Variants in SLC7A9 observed in about 807,000 individuals in gnomAD.
The protein encoded by SLC7A9 is solute carrier family 7 member 9, also known as B(0,+)-type amino acid transporter 1.
SLC7A9 carries 38 observed loss-of-function variants against 54.1 expected under a neutral mutation model. That is an observed-to-expected ratio of 0.70 (90% CI 0.54 to 0.92). SLC7A9 has a LOEUF of 0.92. SLC7A9 is among the 40% of genes least tolerant of loss of function. The probability of loss-of-function intolerance (pLI) is 0.00; values close to 1 mark genes in which losing one functional copy is unlikely to be tolerated. For missense variants in SLC7A9, 537 were observed against 636.1 expected, an observed-to-expected ratio of 0.84 and a Z score of 1.68; for synonymous variants, 264 against 258.9, an observed-to-expected ratio of 1.02 and a Z score of -0.19.
intron 9 of SLC7A9, among the ~76,000 whole-genome samples, chr19:32,855,755 G>A (rs2145832718): frequency 6.6e-6 from 1 of 151,690 alleles, no homozygotes; most frequent in Non-Finnish European, 1.5e-5. Context: ...GGCATTATCA[G>A]TACTGCACGT....
rs1161216387 is a variant in SLC7A9, at chr19:32,862,661, ATTTTT to A, written c.479-80_479-76del. The A allele has an allele frequency of 7.8e-6, 10 of 1,283,324 alleles. No homozygotes were observed. The African/African-American group carries it at 1.3e-4, about 17-fold the overall frequency. 79.5% of individuals were successfully genotyped at this position (1,283,324 alleles called of 1,614,324 possible). The stretch of plus-strand genomic sequence containing the variant: ...GGAGAGAGTCTCCTTTCTTTTATAT[ATTTTT>A]TATTTTTTTTTTTTTTTGAGATGGA... On this transcript the variant is annotated intron_variant, in intron 4 of 12. Transcript: ENST00000023064.
intron 9 of SLC7A9, among the ~76,000 whole-genome samples, chr19:32,847,212 A>G (rs11666743): frequency 0.11 from 17,243 of 152,240 alleles, 1,091 homozygotes; most frequent in Middle Eastern, 0.16. Context: ...TTGAGAGAAG[A>G]AGGCTTCAGA....
chr19:32,859,804 CCACAGCCCCCGCCA>C (rs1284105196), intron 8 of SLC7A9, 23 bp downstream of exon 8: 2 of 1,565,680 alleles, frequency 1.3e-6, no homozygotes. Flanking sequence ...TTCCCACAAG[CCACAGCCCCCGCCA>C]GCAGCGATGC....
intron 1 of SLC7A9, among the ~76,000 whole-genome samples, chr19:32,869,361 A>T (rs1969071514): frequency 6.6e-6 from 1 of 152,192 alleles, no homozygotes. Context: ...GATCCACAAT[A>T]CAGGTACTTT....
rs1967860839 is a variant in SLC7A9 at position 32,833,282 on chromosome 19, C to T, written c.1266G>A (p.Val422=). The change falls in exon 12 of 13, where the codon GTG becomes GTA. Residue 422 remains valine (V), a synonymous_variant. Coordinates refer to ENST00000023064, the MANE Select transcript of SLC7A9 (RefSeq NM_014270.5). ...VIPVLMTLIS[V]FLVLAPIISK... is the part of the protein sequence containing the mutation. ...TGATGATTGGAGCCAGAACCAAAAA[C>T]ACAGAGATGAGTGTCATCAAGACGG... 3 of 1,614,140 alleles carry T rather than the reference C, an allele frequency of 1.9e-6. No individual in the cohort carries two copies. The highest frequency in any genetic ancestry group is 1.7e-6 in the Non-Finnish European group (2 of 1,179,990).
At chr19:32,851,636 A>G (rs868776321) in intron 9 of SLC7A9, among the ~76,000 whole-genome samples, 33 of 152,192 alleles carry the variant, frequency 2.2e-4, no homozygotes, top group South Asian at 2.1e-3. Context: ...ATCTAGAACT[A>G]GAAATACCAT....
Position 32,842,255 on chromosome 19 carries a change from G to C in SLC7A9, c.1137C>G (p.Ser379Arg), listed in dbSNP as rs142270619. The C allele has an allele frequency of 6.2e-7, 1 of 1,613,976 alleles. No individual in the cohort carries two copies. Among genetic ancestry groups the C allele is most frequent in the Non-Finnish European group, 8.5e-7 (1 of 1,179,852 alleles). The change falls in exon 11 of 13, where the codon AGC (serine) becomes AGG (arginine). Residue 379 changes from serine to arginine, a missense_variant. Coordinates refer to ENST00000023064, the MANE Select transcript of SLC7A9 (RefSeq NM_014270.5). Reference sequence around the variant, plus strand: ...GGCCATAAAACAGCCATGCGGCAAAGCTGAAATAATTGACTAACGAGTTTA... The same window carrying C: ...GGCCATAAAACAGCCATGCGGCAAACCTGAAATAATTGACTAACGAGTTTA... ...GDINSLVNYFSFAAWLFYGLT... is the reference protein window; with the variant it reads ...GDINSLVNYFRFAAWLFYGLT...
chr19:32,860,259 T>C (rs1434112531), intron 7 of SLC7A9: 6 of 1,399,356 alleles, frequency 4.3e-6, no homozygotes, highest in Non-Finnish European at 4.6e-6. Flanking sequence ...AGTGAGCTCA[T>C]AAGAAACCAT....
intron 6 of SLC7A9, among the ~76,000 whole-genome samples, chr19:32,861,062 C>T (rs992361150): frequency 2.0e-5 from 3 of 152,162 alleles, no homozygotes; most frequent in Non-Finnish European, 4.4e-5. Flanking sequence ...GGCATAGTGG[C>T]GCACGTCTGT....
chr19:32,864,943 G>A (rs1185769549), intron 2 of SLC7A9, among the ~76,000 whole-genome samples, 167 bp from the exon 3 acceptor site: 2 of 152,210 alleles, frequency 1.3e-5, no homozygotes, highest in African/African-American at 2.4e-5. Flanking sequence ...ACCGCTCCCG[G>A]AGCTTTGCTT....
At position 32,862,572 on chromosome 19, in the gene SLC7A9, C is replaced by T. The variant is rs755106261; in HGVS notation, c.493G>A (p.Val165Met). The change falls in exon 5 of 13, where the codon GTG (valine) becomes ATG (methionine). Residue 165 changes from valine (V) to methionine (M), a missense_variant. Coordinates refer to ENST00000023064, the MANE Select transcript of SLC7A9 (RefSeq NM_014270.5). ...AAAAILFIST[V>M]NSLSVRLGSY... ...CCCAGCCGCACGCTCAGTGAGTTCA[C>T]TGTCGAGATGAACACTGGAAGGGTG... 1.9e-6 allele frequency: 3 copies of T among 1,613,932 alleles called. No individual in the cohort carries two copies. Among genetic ancestry groups the T allele is most frequent in the Non-Finnish European group, 2.5e-6 (3 of 1,180,046 alleles).
intron 9 of SLC7A9, among the ~76,000 whole-genome samples, chr19:32,849,208 G>A (rs1968389387): frequency 6.6e-6 from 1 of 152,064 alleles, no homozygotes; most frequent in Non-Finnish European, 1.5e-5. Context: ...AGGAAATAGA[G>A]ACACAAAAAA....
At chr19:32,865,620 G>A (rs1346288786) in intron 2 of SLC7A9, among the ~76,000 whole-genome samples, 2 of 152,218 alleles carry the variant, frequency 1.3e-5, no homozygotes, top group South Asian at 2.1e-4. Context: ...AAAGGGGCAC[G>A]AGGGAGCTTT....
In SLC7A9 at chr19:32,833,242, C is replaced by G; in HGVS notation, c.1306G>C (p.Glu436Gln). The G allele has an allele frequency of 1.2e-6, 2 of 1,614,152 alleles. No individual in the cohort carries two copies. Among genetic ancestry groups the G allele is most frequent in the Non-Finnish European group, 1.7e-6 (2 of 1,179,998 alleles). ...ATAAACAGCACACAGTAGAGGTACT[C>G]CCAGGTGGGCTTGCTGATGATTGGA... is the stretch of plus-strand genomic sequence containing the variant. ...LAPIISKPTW[E>Q]YLYCVLFILS... The change falls in exon 12 of 13, where the codon GAG becomes CAG. Residue 436 changes from glutamate to glutamine, a missense_variant. Coordinates refer to ENST00000023064, the MANE Select transcript of SLC7A9 (RefSeq NM_014270.5).
intron 11 of SLC7A9, 104 bp downstream of exon 11, chr19:32,842,063 CA>C: frequency 9.0e-7 from 1 of 1,117,102 alleles, no homozygotes; most frequent in South Asian, 1.3e-5. Flanking sequence ...TTAAAAGAGT[CA>C]AGTCAGATTG....
At chr19:32,843,255 A>G (rs8101827) in intron 10 of SLC7A9, among the ~76,000 whole-genome samples, 89,687 of 151,876 alleles carry the variant, frequency 0.59, 27,339 homozygotes, top group East Asian at 0.83. Flanking sequence ...CCAGGAGTTC[A>G]AGACCAGCCT....
chr19:32,860,698 C>A, intron 6 of SLC7A9, 48 bp from the exon 7 acceptor site: 1 of 1,611,458 alleles, frequency 6.2e-7, no homozygotes, highest in Non-Finnish European at 8.5e-7. Context: ...CTTTCTTTTT[C>A]GATAATGAAA....
intron 11 of SLC7A9, among the ~76,000 whole-genome samples, chr19:32,841,746 A>C (rs770734143): frequency 2.6e-5 from 4 of 152,148 alleles, no homozygotes; most frequent in Admixed American, 1.3e-4. Context: ...ATCTCTACTA[A>C]AAATACAAAA....
chr19:32,862,638 A>G, intron 4 of SLC7A9, 52 bp from the exon 5 acceptor site: 1 of 1,577,580 alleles, frequency 6.3e-7, no homozygotes, highest in Non-Finnish European at 8.7e-7. Context: ...AAAGCCCTGG[A>G]GAGAGTCTCC....
Sources: gnomAD v4.1 joint callset for allele counts (sites outside exome capture counted in the v4.1 genomes callset) on GRCh38, gnomAD v4.1.1 for gene constraint, MANE v1.5 for transcripts, NCBI Gene and HGNC (gene_info 2026-07-23, HGNC 2026-07-21) for gene names.